Variants in NCAM2 observed in about 807,000 individuals in gnomAD.
NCAM2 encodes the protein N-CAM-2.
A neutral mutation model predicts 98.1 loss-of-function variants in NCAM2; 30 were observed. The ratio of observed to expected loss-of-function variants is 0.31; its 90% CI spans 0.23 to 0.41. NCAM2 has a LOEUF of 0.41. Ranked by LOEUF, NCAM2 falls within the 10% of genes least tolerant of loss-of-function variation. The pLI is 1.00. For synonymous variants in NCAM2, 368 were observed against 342.4 expected (o/e 1.07, Z -0.83); for missense variants, 867 against 1,005.8 (o/e 0.86, Z 1.87).
intron 11 of NCAM2, among the ~76,000 whole-genome samples, chr21:21,423,668 T>G (rs774882503): frequency 6.6e-6 from 1 of 152,166 alleles, no homozygotes; most frequent in East Asian, 1.9e-4. Flanking sequence ...TGCTTCACAA[T>G]TGATTTTTTT....
chr21:21,171,706 C>T (rs1303178569), intron 1 of NCAM2, among the ~76,000 whole-genome samples: 1 of 152,032 alleles, frequency 6.6e-6, no homozygotes, highest in Non-Finnish European at 1.5e-5. Context: ...AGAAACAAAA[C>T]AATAAGGAAT....
At chr21:21,207,106 T>C (rs1245372808) in intron 1 of NCAM2, among the ~76,000 whole-genome samples, 1 of 152,162 alleles carries the variant, frequency 6.6e-6, no homozygotes, top group African/African-American at 2.4e-5. Context: ...AATGTTAACA[T>C]AAAATGGAGA....
chr21:21,079,782 T>G (rs2065754214), intron 1 of NCAM2, among the ~76,000 whole-genome samples: 1 of 152,150 alleles, frequency 6.6e-6, no homozygotes, highest in Non-Finnish European at 1.5e-5. Context: ...ATTAAGACTA[T>G]CTAGCCAGCT....
intron 9 of NCAM2, among the ~76,000 whole-genome samples, chr21:21,398,749 A>AT (rs1442318024): frequency 6.6e-5 from 10 of 152,242 alleles, no homozygotes; most frequent in Admixed American, 6.5e-4. Context: ...AAGAGAGCTC[A>AT]TACTAAATAT....
At chr21:21,118,264 G>T (rs1023091415) in intron 1 of NCAM2, among the ~76,000 whole-genome samples, 1 of 152,142 alleles carries the variant, frequency 6.6e-6, no homozygotes, top group South Asian at 2.1e-4. Flanking sequence ...CTAGGCATAG[G>T]CGTACAAGTC....
intron 9 of NCAM2, among the ~76,000 whole-genome samples, chr21:21,374,318 C>T (rs565770299): frequency 1.3e-5 from 2 of 151,626 alleles, no homozygotes; most frequent in East Asian, 1.9e-4. Flanking sequence ...AGTAATTGGT[C>T]GATATCACTT....
At chr21:21,147,375 T>G (rs1459965837) in intron 1 of NCAM2, 1 of 753,254 alleles carries the variant, frequency 1.3e-6, no homozygotes, top group African/African-American at 1.9e-5. Context: ...AGAAGGAAAA[T>G]TTTGGAGTGA....
intron 1 of NCAM2, among the ~76,000 whole-genome samples, chr21:21,172,205 G>C (rs1274178346): frequency 6.6e-6 from 1 of 151,494 alleles, no homozygotes. Context: ...AAATTAAGAG[G>C]AAAAAATAAC....
chr21:21,031,646 T>C (rs7509762), intron 1 of NCAM2, among the ~76,000 whole-genome samples: 109,991 of 152,156 alleles, frequency 0.72, 40,075 homozygotes, highest in Admixed American at 0.79. Context: ...AATATGCAAG[T>C]AGGCAGTGAT....
At chr21:21,361,437 T>C (rs942636755) in intron 8 of NCAM2, among the ~76,000 whole-genome samples, 4 of 152,104 alleles carry the variant, frequency 2.6e-5, no homozygotes, top group Admixed American at 2.0e-4. Flanking sequence ...CATGTTTTTT[T>C]TGGCTTCTAG....
chr21:21,322,725 A>G (rs1006299243), intron 5 of NCAM2, among the ~76,000 whole-genome samples: 2 of 152,138 alleles, frequency 1.3e-5, no homozygotes, highest in Admixed American at 6.6e-5. Flanking sequence ...GGTTGGTATC[A>G]TCTTTATCTT....
chr21:21,391,026 T>G (rs2076369189), intron 9 of NCAM2, among the ~76,000 whole-genome samples: 1 of 152,224 alleles, frequency 6.6e-6, no homozygotes, highest in Non-Finnish European at 1.5e-5. Context: ...TTCTGTATAT[T>G]CGTTTAAAAA....
intron 1 of NCAM2, among the ~76,000 whole-genome samples, chr21:21,265,325 A>G: frequency 7.6e-6 from 1 of 130,946 alleles, no homozygotes; most frequent in East Asian, 2.4e-4. Flanking sequence ...ATATATACAC[A>G]TATATAATAT....
intron 15 of NCAM2, among the ~76,000 whole-genome samples, chr21:21,492,924 A>C (rs545347994): frequency 6.6e-6 from 1 of 152,016 alleles, no homozygotes; most frequent in African/African-American, 2.4e-5. Context: ...CCTAAATTTT[A>C]CTATTGTTTC....
chr21:21,009,883 C>CTGTGTGTGTG (rs5842868), intron 1 of NCAM2, among the ~76,000 whole-genome samples: 5,264 of 139,664 alleles, frequency 0.038, 219 homozygotes, highest in East Asian at 0.15. Context: ...CCTCTGATAG[C>CTGTGTGTGTG]TGTGTGTGTG....
chr21:21,355,502 GA>G, intron 8 of NCAM2, among the ~76,000 whole-genome samples: 1 of 86,452 alleles, frequency 1.2e-5, no homozygotes, highest in Non-Finnish European at 2.7e-5. Flanking sequence ...AGAAAGAAAA[GA>G]AATAAGGGAG....
At chr21:21,500,395 G>A (rs1987549710) in intron 15 of NCAM2, among the ~76,000 whole-genome samples, 1 of 152,108 alleles carries the variant, frequency 6.6e-6, no homozygotes, top group East Asian at 1.9e-4. Context: ...AAAAATGCAA[G>A]AGGCCCCACC....
chr21:21,018,388 A>G (rs935317082), intron 1 of NCAM2, among the ~76,000 whole-genome samples: 2 of 152,200 alleles, frequency 1.3e-5, no homozygotes, highest in African/African-American at 4.8e-5. Context: ...TCTTCATTTC[A>G]GTTTCTCCAG....
At chr21:21,239,192 G>T (rs1281695213) in intron 1 of NCAM2, 1 of 152,066 alleles carries the variant, frequency 6.6e-6, no homozygotes, top group Non-Finnish European at 1.5e-5. Context: ...ATGCTAAAAG[G>T]GTTGGCCAGA....
Sources: allele counts gnomAD v4.1 joint callset (sites outside exome capture counted in the v4.1 genomes callset), GRCh38; gene constraint gnomAD v4.1.1; transcripts MANE v1.5; gene names NCBI Gene and HGNC (gene_info 2026-07-23, HGNC 2026-07-21).